Variants in CAMK2D observed in about 807,000 individuals in gnomAD.
CAMK2D encodes the protein calcium/calmodulin dependent protein kinase II delta.
CAMK2D carries 37 observed loss-of-function variants against 84.0 expected under a neutral mutation model. The ratio of observed to expected loss-of-function variants is 0.44; its 90% confidence interval spans 0.34 to 0.58. The LOEUF is 0.58. CAMK2D is among the 20% of genes least tolerant of loss of function. The probability of loss-of-function intolerance (pLI) is 0.02; values close to 1 mark genes in which losing one functional copy is unlikely to be tolerated. For synonymous variants in CAMK2D, 202 were observed against 212.5 expected (o/e 0.95, Z 0.43); for missense variants, 448 against 652.5 (o/e 0.69, Z 3.41).
chr4:113,508,141 C>T (rs2098156615), intron 13 of CAMK2D: 1 of 847,126 alleles, frequency 1.2e-6, no homozygotes, highest in Non-Finnish European at 2.0e-6. Context: ...GGTCCTACAC[C>T]CTCTCCACTT....
chr4:113,570,382 T>A (rs191548080), intron 4 of CAMK2D, among the ~76,000 whole-genome samples: 91 of 152,288 alleles, frequency 6.0e-4, no homozygotes, highest in Middle Eastern at 3.4e-3. Flanking sequence ...CATCACACTA[T>A]CTGATTTCAA....
chr4:113,459,781 C>T (rs556429438), intron 18 of CAMK2D, among the ~76,000 whole-genome samples: 61 of 151,952 alleles, frequency 4.0e-4, no homozygotes, highest in Admixed American at 3.8e-3. Flanking sequence ...TGTGCGCCAC[C>T]ATGCCCAGCT....
intron 2 of CAMK2D, among the ~76,000 whole-genome samples, chr4:113,715,823 A>C (rs2099511755): frequency 6.6e-6 from 1 of 152,158 alleles, no homozygotes. Flanking sequence ...GGGCACTACT[A>C]TTCCACAAAT....
intron 3 of CAMK2D, among the ~76,000 whole-genome samples, chr4:113,623,395 C>A (rs1458924769): frequency 6.6e-6 from 1 of 152,020 alleles, no homozygotes; most frequent in East Asian, 1.9e-4. Context: ...CACACACACA[C>A]ACACACACCC....
At chr4:113,702,636 C>T (rs973678847) in intron 2 of CAMK2D, among the ~76,000 whole-genome samples, 4 of 152,126 alleles carry the variant, frequency 2.6e-5, no homozygotes, top group Admixed American at 6.6e-5. Flanking sequence ...TGGTTGGGCA[C>T]AGTGGCTCAC....
chr4:113,489,913 TG>T (rs2097808837), intron 16 of CAMK2D, among the ~76,000 whole-genome samples: 1 of 148,070 alleles, frequency 6.8e-6, no homozygotes, highest in Non-Finnish European at 1.5e-5. Context: ...CATTTTTTCA[TG>T]TGTTTTTTGG....
At chr4:113,536,661 A>C (rs1401761927) in intron 7 of CAMK2D, among the ~76,000 whole-genome samples, 2 of 152,176 alleles carry the variant, frequency 1.3e-5, no homozygotes, top group African/African-American at 4.8e-5. Context: ...TATGAAAATT[A>C]ATGAGTAAAT....
intron 12 of CAMK2D, among the ~76,000 whole-genome samples, chr4:113,512,715 G>A (rs919424389): frequency 1.3e-5 from 2 of 152,144 alleles, no homozygotes; most frequent in Non-Finnish European, 2.9e-5. Context: ...TGGGACAACA[G>A]GCACGCGCCA....
chr4:113,527,330 T>C (rs1468223361), intron 8 of CAMK2D, among the ~76,000 whole-genome samples: 4 of 151,962 alleles, frequency 2.6e-5, no homozygotes, highest in Non-Finnish European at 2.9e-5. Context: ...TCTCAAACTC[T>C]TGGACTCAAG....
chr4:113,677,232 C>G (rs1345243169), intron 2 of CAMK2D, among the ~76,000 whole-genome samples: 1 of 152,142 alleles, frequency 6.6e-6, no homozygotes, highest in Non-Finnish European at 1.5e-5. Context: ...AGCACAAATT[C>G]CACCTCTATA....
intron 8 of CAMK2D, among the ~76,000 whole-genome samples, chr4:113,518,594 A>G (rs1485115066): frequency 6.6e-6 from 1 of 152,036 alleles, no homozygotes. Context: ...ATTATCCTGG[A>G]GGAAGGCAGT....
chr4:113,485,228 CTT>C (rs1170446256), intron 16 of CAMK2D, among the ~76,000 whole-genome samples: 1 of 152,156 alleles, frequency 6.6e-6, no homozygotes, highest in Non-Finnish European at 1.5e-5. Flanking sequence ...AAGGGTAAGT[CTT>C]TGGTAGAAAC....
intron 16 of CAMK2D, among the ~76,000 whole-genome samples, chr4:113,475,733 AC>A (rs2097602156): frequency 6.6e-6 from 1 of 152,334 alleles, no homozygotes; most frequent in East Asian, 1.9e-4. Context: ...CTTTTACTAC[AC>A]AGGAATATGC....
At chr4:113,535,236 G>A (rs937630431) in intron 7 of CAMK2D, among the ~76,000 whole-genome samples, 11 of 152,026 alleles carry the variant, frequency 7.2e-5, no homozygotes, top group African/African-American at 2.4e-4. Flanking sequence ...CACAGGACTC[G>A]AGTCCTGTCT....
chr4:113,521,288 A>G (rs1470908431), intron 8 of CAMK2D, among the ~76,000 whole-genome samples: 2 of 152,144 alleles, frequency 1.3e-5, no homozygotes, highest in African/African-American at 4.8e-5. Flanking sequence ...ATTTCAATCT[A>G]TTATGTTATT....
chr4:113,726,820 T>C (rs1046790402), intron 2 of CAMK2D, among the ~76,000 whole-genome samples: 5 of 152,270 alleles, frequency 3.3e-5, no homozygotes, highest in Middle Eastern at 3.4e-3. Context: ...ACAGAAAATA[T>C]ATTACTAGTC....
chr4:113,622,895 C>G (rs1046329594), intron 3 of CAMK2D, among the ~76,000 whole-genome samples: 1 of 152,160 alleles, frequency 6.6e-6, no homozygotes, highest in Non-Finnish European at 1.5e-5. Flanking sequence ...GAATAGGTAT[C>G]TTTATTTTGT....
At chr4:113,713,991 A>C (rs114271194) in intron 2 of CAMK2D, among the ~76,000 whole-genome samples, 23 of 151,992 alleles carry the variant, frequency 1.5e-4, no homozygotes, top group Admixed American at 1.0e-3. Context: ...AAACAAATAT[A>C]TCCTTCATTA....
intron 17 of CAMK2D, among the ~76,000 whole-genome samples, chr4:113,462,330 G>C (rs4834338): frequency 7.7e-6 from 1 of 129,348 alleles, no homozygotes; most frequent in Non-Finnish European, 1.6e-5. Flanking sequence ...CTGTCTGTCT[G>C]TCTGTCTGTC....
Sources: allele counts gnomAD v4.1 joint callset (sites outside exome capture counted in the v4.1 genomes callset), GRCh38; gene constraint gnomAD v4.1.1; transcripts MANE v1.5; gene names NCBI Gene and HGNC (gene_info 2026-07-23, HGNC 2026-07-21).